NPAS3: variants seen among roughly 807,000 people sequenced by gnomAD.
NPAS3 encodes the protein neuronal PAS domain-containing protein 3.
In NPAS3, 14 loss-of-function variants were observed where a neutral mutation model predicts 73.1. The ratio of observed to expected loss-of-function variants is 0.19; its 90% CI spans 0.13 to 0.30. The LOEUF (loss-of-function observed/expected upper bound fraction) is 0.30. Among genes scored for constraint, NPAS3 ranks in the 10% least tolerant of loss-of-function variants. The probability of loss-of-function intolerance (pLI) is 1.00; values close to 1 mark genes in which losing one functional copy is unlikely to be tolerated. For synonymous variants in NPAS3, 620 were observed against 541.5 expected, an observed-to-expected ratio of 1.14 and a Z score of -2.01; for missense variants, 1,096 against 1,250.0, an observed-to-expected ratio of 0.88 and a Z score of 1.86.
chr14:33,472,830 A>G (rs1333562342), intron 4 of NPAS3, among the ~76,000 whole-genome samples: 2 of 149,998 alleles, frequency 1.3e-5, no homozygotes, highest in Non-Finnish European at 2.9e-5. Flanking sequence ...TGCAAAGCAG[A>G]AAAAAAAAGA....
chr14:33,688,390 CT>C lies in NPAS3; in HGVS notation c.733+12013del, dbSNP rs928602321. 5.9e-5 allele frequency among the ~76,000 whole-genome samples: 9 copies of C among 152,080 alleles called. No individual in the cohort carries two copies. The South Asian group carries it at 1.0e-3, about 18-fold the overall frequency. On this transcript the variant is annotated intron_variant, in intron 6 of 11. Coordinates refer to ENST00000356141, the Ensembl canonical transcript of NPAS3. Reference sequence around the variant, plus strand: ...TCCCAATGTGTTTGACTGTGGGAAACTTTTTTTTAAGAGAAACTCTTACTAA... The same window carrying C: ...TCCCAATGTGTTTGACTGTGGGAAACTTTTTTTAAGAGAAACTCTTACTAA...
At chr14:33,215,084 A>T (rs1244109730) in intron 2 of NPAS3, 98 bp from the exon 3 acceptor site, 1 of 1,304,220 alleles carries the variant, frequency 7.7e-7, no homozygotes, top group African/African-American at 1.5e-5. Context: ...TTTTTGGTAG[A>T]ATTTTGGTGG....
At chr14:33,513,363 A>T (rs2053150707) in intron 4 of NPAS3, among the ~76,000 whole-genome samples, 1 of 152,068 alleles carries the variant, frequency 6.6e-6, no homozygotes, top group Non-Finnish European at 1.5e-5. Context: ...AGACTGTCAC[A>T]CTAACACCAC....
intron 3 of NPAS3, among the ~76,000 whole-genome samples, chr14:33,281,850 T>A (rs2041629354): frequency 6.6e-6 from 1 of 152,178 alleles, no homozygotes; most frequent in Non-Finnish European, 1.5e-5. Flanking sequence ...GCCACAGGTA[T>A]TTTAATTTTA....
intron 6 of NPAS3, among the ~76,000 whole-genome samples, chr14:33,711,356 G>A (rs150386973): frequency 7.2e-5 from 11 of 152,272 alleles, no homozygotes; most frequent in Non-Finnish European, 1.2e-4. Flanking sequence ...TGATACGCAC[G>A]TCCCAGGGGA....
intron 2 of NPAS3, among the ~76,000 whole-genome samples, chr14:33,116,513 T>C (rs187439093): frequency 2.3e-3 from 352 of 152,284 alleles, no homozygotes; most frequent in African/African-American, 8.2e-3. Flanking sequence ...TTAAATAACT[T>C]ATAAGACATT....
intron 3 of NPAS3, among the ~76,000 whole-genome samples, chr14:33,277,699 T>C (rs1293561500): frequency 6.6e-6 from 1 of 151,952 alleles, no homozygotes; most frequent in Non-Finnish European, 1.5e-5. Flanking sequence ...AGAGCCCTCA[T>C]GGGAGTAGGC....
At chr14:33,305,770 GTT>G (rs751827715) in intron 3 of NPAS3, among the ~76,000 whole-genome samples, 5 of 152,028 alleles carry the variant, frequency 3.3e-5, no homozygotes, top group African/African-American at 4.8e-5. Flanking sequence ...GCACCAGTGA[GTT>G]ATATTATTGT....
chr14:33,061,179 T>C (rs533669942), intron 2 of NPAS3, among the ~76,000 whole-genome samples: 1 of 152,230 alleles, frequency 6.6e-6, no homozygotes, highest in African/African-American at 2.4e-5. Context: ...GGGAGGATGG[T>C]CACCTATGCT....
At chr14:33,775,877 G>A (rs2062798791) in intron 8 of NPAS3, among the ~76,000 whole-genome samples, 2 of 152,194 alleles carry the variant, frequency 1.3e-5, no homozygotes, top group African/African-American at 4.8e-5. Context: ...TACACATGGG[G>A]CGTGTGCAAA....
At chr14:33,134,363 C>A (rs781419737) in intron 2 of NPAS3, among the ~76,000 whole-genome samples, 7 of 152,060 alleles carry the variant, frequency 4.6e-5, no homozygotes, top group Non-Finnish European at 5.9e-5. Flanking sequence ...ACACTGTCAA[C>A]GGCGCTATCA....
chr14:33,190,025 A>T (rs1220981998), intron 2 of NPAS3, among the ~76,000 whole-genome samples: 1 of 152,052 alleles, frequency 6.6e-6, no homozygotes, highest in Non-Finnish European at 1.5e-5. Flanking sequence ...TTTAATGTGT[A>T]TATTCTTTTA....
intron 1 of NPAS3, among the ~76,000 whole-genome samples, chr14:32,968,907 CACT>C (rs1181443226): frequency 6.6e-6 from 1 of 152,056 alleles, no homozygotes; most frequent in Admixed American, 6.6e-5. Flanking sequence ...GCCCAGCATC[CACT>C]AGCTATTCTT....
At chr14:33,055,811 A>G in intron 1 of NPAS3, 94 bp from the exon 2 acceptor site, 1 of 572,346 alleles carries the variant, frequency 1.7e-6, no homozygotes, top group Non-Finnish European at 3.2e-6. Context: ...GTAAAAAGCA[A>G]AATATATTGA....
chr14:33,051,135 G>A (rs1341468268), intron 1 of NPAS3, among the ~76,000 whole-genome samples: 5 of 151,264 alleles, frequency 3.3e-5, no homozygotes, highest in Non-Finnish European at 2.9e-5. Flanking sequence ...TTAGCCGGGC[G>A]CGGTGGCGGG....
intron 3 of NPAS3, among the ~76,000 whole-genome samples, chr14:33,327,813 A>T (rs897086946): frequency 6.6e-6 from 1 of 152,230 alleles, no homozygotes; most frequent in Admixed American, 6.5e-5. Flanking sequence ...TGGACCGGAG[A>T]GTGCATGAAG....
chr14:33,586,573 A>G (rs1414500065), intron 5 of NPAS3, among the ~76,000 whole-genome samples: 2 of 152,190 alleles, frequency 1.3e-5, no homozygotes, highest in Non-Finnish European at 2.9e-5. Flanking sequence ...TTTTAAATAC[A>G]TTTGGAGATG....
chr14:33,233,252 T>C (rs1179443956), intron 3 of NPAS3, among the ~76,000 whole-genome samples: 1 of 152,138 alleles, frequency 6.6e-6, no homozygotes, highest in Non-Finnish European at 1.5e-5. Flanking sequence ...GAACCCCGAA[T>C]GCTATAAATT....
chr14:33,335,136 T>C (rs1476026152), intron 3 of NPAS3, among the ~76,000 whole-genome samples: 1 of 152,070 alleles, frequency 6.6e-6, no homozygotes, highest in African/African-American at 2.4e-5. Flanking sequence ...TTTTTGCAAT[T>C]GCAAATTGTG....
Sources: gnomAD v4.1 joint callset for allele counts (sites outside exome capture counted in the v4.1 genomes callset) on GRCh38, gnomAD v4.1.1 for gene constraint, MANE v1.5 for transcripts, NCBI Gene and HGNC (gene_info 2026-07-23, HGNC 2026-07-21) for gene names.